COL5A2: variants seen among roughly 807,000 people sequenced by gnomAD.
COL5A2 encodes the protein collagen type V alpha 2 chain, also known as collagen alpha-2(V) chain.
A neutral mutation model predicts 208.2 loss-of-function variants in COL5A2; 23 were observed. The observed-to-expected ratio is 0.11, with a 90% CI of 0.08 to 0.16. The LOEUF (loss-of-function observed/expected upper bound fraction) is 0.16. Among genes scored for constraint, COL5A2 ranks in the 10% least tolerant of loss-of-function variants. The pLI is 1.00. For missense variants in COL5A2, 1,590 were observed against 1,956.4 expected (o/e 0.81, Z 3.53); for synonymous variants, 625 against 628.5 (o/e 0.99, Z 0.08).
chr2:189,080,089 A>C, intron 13 of COL5A2, 58 bp from the exon 14 acceptor site: 2 of 1,331,038 alleles, frequency 1.5e-6, no homozygotes, highest in Non-Finnish European at 2.2e-6. Flanking sequence ...CCTCAAAGGC[A>C]TAAGAACCAA....
At chr2:189,101,018 C>T (rs139601880) in intron 3 of COL5A2, among the ~76,000 whole-genome samples, 6 of 152,066 alleles carry the variant, frequency 3.9e-5, no homozygotes, top group Non-Finnish European at 5.9e-5. Flanking sequence ...AATTTGTCTT[C>T]GAACAGATTT....
At position 189,083,985 on chromosome 2, in the gene COL5A2, G is replaced by A. The variant is rs540573303; in HGVS notation, c.851C>T (p.Pro284Leu). 137 of 1,610,716 alleles carry A rather than the reference G, an allele frequency of 8.5e-5. No homozygotes were observed. The South Asian group carries it at 8.6e-4, about 10-fold the overall frequency. Reference sequence around the variant, plus strand: ...CCTTTATGTTGAGTATAAACTTACCGGAGATCCTGCAAATCCCACTTCACC... The same window carrying A: ...CCTTTATGTTGAGTATAAACTTACCAGAGATCCTGCAAATCCCACTTCACC... Reference protein sequence around the residue: ...NPGEVGFAGSPGARGFPGAPG... With the variant: ...NPGEVGFAGSLGARGFPGAPG... The change falls in exon 12 of 54, where the codon CCG (proline) becomes CTG (leucine). Residue 284 changes from proline to leucine, a missense_variant and splice_region_variant. Physicochemically the swap from Pro to Leu is moderately conservative, Grantham distance 98. Coordinates refer to ENST00000374866, the MANE Select transcript of COL5A2 (RefSeq NM_000393.5).
the COL5A2 span, among the ~76,000 whole-genome samples, chr2:189,249,121 A>G: frequency 6.6e-6 from 1 of 152,190 alleles, no homozygotes; most frequent in South Asian, 2.1e-4. Context: ...AGCAATATAT[A>G]CAGTAGGCAT....
At chr2:189,347,591 T>C in the COL5A2 span, among the ~76,000 whole-genome samples, 1 of 152,170 alleles carries the variant, frequency 6.6e-6, no homozygotes, top group Non-Finnish European at 1.5e-5. Flanking sequence ...GGCATTTGCT[T>C]TGTCAACAAG....
chr2:189,169,424 T>A (rs1688530047), intron 1 of COL5A2, among the ~76,000 whole-genome samples: 1 of 152,198 alleles, frequency 6.6e-6, no homozygotes, highest in South Asian at 2.1e-4. Flanking sequence ...TTTTCTTTCT[T>A]TCTTTTTTTG....
At chr2:189,097,186 A>G in intron 6 of COL5A2, 91 bp downstream of exon 6, 1 of 1,201,890 alleles carries the variant, frequency 8.3e-7, no homozygotes, top group African/African-American at 1.5e-5. Flanking sequence ...TGAAAGAGGA[A>G]TAGTGCTCCC....
chr2:189,061,718 C>A, intron 29 of COL5A2, 103 bp from the exon 30 acceptor site: 1 of 892,370 alleles, frequency 1.1e-6, no homozygotes, highest in East Asian at 2.6e-5. Flanking sequence ...GTATTTCTTC[C>A]AATCACATGT....
At chr2:189,077,240 A>G (rs942740827) in intron 16 of COL5A2, among the ~76,000 whole-genome samples, 6 of 152,260 alleles carry the variant, frequency 3.9e-5, no homozygotes, top group Admixed American at 2.6e-4. Flanking sequence ...CACCACACCA[A>G]TAACTAACAC....
At chr2:189,383,734 A>C in the COL5A2 span, among the ~76,000 whole-genome samples, 1 of 152,210 alleles carries the variant, frequency 6.6e-6, no homozygotes, top group South Asian at 2.1e-4. Flanking sequence ...TATCACCTCA[A>C]ACATTTGTTA....
intron 1 of COL5A2, among the ~76,000 whole-genome samples, chr2:189,208,858 A>G (rs146273265): frequency 6.6e-6 from 1 of 152,306 alleles, no homozygotes; most frequent in African/African-American, 2.4e-5. Context: ...TTGGATTATA[A>G]AGGGAAACTG....
the COL5A2 span, among the ~76,000 whole-genome samples, chr2:189,264,456 T>C: frequency 1.3e-5 from 2 of 152,278 alleles, no homozygotes; most frequent in South Asian, 4.1e-4. Flanking sequence ...TTCTAAAGCA[T>C]GTATACTGTT....
the COL5A2 span, among the ~76,000 whole-genome samples, chr2:189,304,082 G>T: frequency 6.6e-6 from 1 of 152,038 alleles, no homozygotes; most frequent in Non-Finnish European, 1.5e-5. Flanking sequence ...TTTAAGGCCT[G>T]TATGTATGTA....
At chr2:189,134,160 A>T (rs1209939332) in intron 1 of COL5A2, among the ~76,000 whole-genome samples, 2 of 152,230 alleles carry the variant, frequency 1.3e-5, no homozygotes, top group African/African-American at 4.8e-5. Flanking sequence ...AAAGCCAGTC[A>T]TGCAGAACCT....
At chr2:189,331,894 G>A in the COL5A2 span, among the ~76,000 whole-genome samples, 3 of 150,480 alleles carry the variant, frequency 2.0e-5, no homozygotes, top group Non-Finnish European at 2.9e-5. Context: ...AGGTTGCAGT[G>A]AGCGGAGATT....
At chr2:189,238,131 T>C in the COL5A2 span, among the ~76,000 whole-genome samples, 1 of 149,828 alleles carries the variant, frequency 6.7e-6, no homozygotes, top group Non-Finnish European at 1.5e-5. Flanking sequence ...TTCAGCTATG[T>C]TTCTCCTCTT....
chr2:189,334,913 A>T, the COL5A2 span, among the ~76,000 whole-genome samples: 1 of 152,046 alleles, frequency 6.6e-6, no homozygotes, highest in Non-Finnish European at 1.5e-5. Context: ...GATTTCAGAA[A>T]TAGACAACAT....
chr2:189,058,344 G>A (rs1036373892), intron 33 of COL5A2, 85 bp downstream of exon 33: 2 of 1,056,734 alleles, frequency 1.9e-6, no homozygotes, highest in African/African-American at 3.1e-5. Context: ...TCAAAAACAA[G>A]ACAAATGCAT....
intron 50 of COL5A2, among the ~76,000 whole-genome samples, chr2:189,041,330 C>T (rs1685555962): frequency 6.6e-6 from 1 of 152,110 alleles, no homozygotes; most frequent in Non-Finnish European, 1.5e-5. Flanking sequence ...ATTATAAATA[C>T]AATTATAACT....
upstream of COL5A2, among the ~76,000 whole-genome samples, chr2:189,184,665 G>C (rs922566919): frequency 8.5e-5 from 13 of 152,108 alleles, no homozygotes; most frequent in African/African-American, 3.1e-4. Flanking sequence ...GACTTTTACA[G>C]ACCCATGTGA....
Sources: gnomAD v4.1 joint callset for allele counts (sites outside exome capture counted in the v4.1 genomes callset) on GRCh38, gnomAD v4.1.1 for gene constraint, MANE v1.5 for transcripts, NCBI Gene and HGNC (gene_info 2026-07-23, HGNC 2026-07-21) for gene names.